RANBP2: variants seen among roughly 807,000 people sequenced by gnomAD.
RANBP2 encodes the protein E3 SUMO-protein ligase RanBP2.
A neutral mutation model predicts 303.6 loss-of-function variants in RANBP2; 57 were observed. The observed-to-expected ratio is 0.19, with a 90% CI of 0.15 to 0.23. RANBP2 has a LOEUF of 0.23. Among genes scored for constraint, RANBP2 ranks in the 10% least tolerant of loss-of-function variants. The probability of loss-of-function intolerance (pLI) is 1.00; values close to 1 mark genes in which losing one functional copy is unlikely to be tolerated. For synonymous variants in RANBP2, 1,167 were observed against 1,301.5 expected, an observed-to-expected ratio of 0.90 and a Z score of 2.23; for missense variants, 3,138 against 3,780.8, an observed-to-expected ratio of 0.83 and a Z score of 4.46.
the RANBP2 span, among the ~76,000 whole-genome samples, chr2:109,488,097 C>G: frequency 6.6e-6 from 1 of 152,198 alleles, no homozygotes; most frequent in African/African-American, 2.4e-5. Flanking sequence ...GCCAGCAGCC[C>G]CAGAGCCTGC....
the RANBP2 span, among the ~76,000 whole-genome samples, chr2:109,507,448 T>C: frequency 6.6e-6 from 1 of 152,226 alleles, no homozygotes; most frequent in Non-Finnish European, 1.5e-5. Context: ...CTGTGAGCTG[T>C]TGGAGCCCTG....
intron 25 of RANBP2, among the ~76,000 whole-genome samples, 179 bp downstream of exon 25, chr2:108,777,410 T>A (rs1407235632): frequency 2.7e-5 from 4 of 146,440 alleles, no homozygotes; most frequent in Non-Finnish European, 6.0e-5. Flanking sequence ...CAATATAATC[T>A]TAAGAATTTT....
At chr2:109,123,926 G>A in the RANBP2 span, among the ~76,000 whole-genome samples, 1 of 152,156 alleles carries the variant, frequency 6.6e-6, no homozygotes, top group African/African-American at 2.4e-5. Flanking sequence ...GGACATAACT[G>A]AAACCAAGGT....
intron 6 of RANBP2, among the ~76,000 whole-genome samples, chr2:108,737,828 C>A (rs1312314814): frequency 6.6e-6 from 1 of 150,880 alleles, no homozygotes; most frequent in East Asian, 2.0e-4. Flanking sequence ...ATTCTTCTGC[C>A]TCAGCCTCCT....
At chr2:109,249,519 TTTTC>T in the RANBP2 span, among the ~76,000 whole-genome samples, 1 of 61,900 alleles carries the variant, frequency 1.6e-5, no homozygotes, top group Non-Finnish European at 3.3e-5. Context: ...CATTCTTTCT[TTTTC>T]TTTCTTTCTT....
At chr2:109,636,600 G>A in the RANBP2 span, among the ~76,000 whole-genome samples, 3 of 152,096 alleles carry the variant, frequency 2.0e-5, no homozygotes, top group Non-Finnish European at 4.4e-5. Flanking sequence ...TGCTATGAAG[G>A]CCATTATTAA....
the RANBP2 span, among the ~76,000 whole-genome samples, chr2:109,382,280 C>CA: frequency 6.6e-6 from 1 of 152,150 alleles, no homozygotes; most frequent in Non-Finnish European, 1.5e-5. Flanking sequence ...GCTGAAGGGA[C>CA]ATCTGTTTTG....
chr2:109,093,624 T>C, the RANBP2 span, among the ~76,000 whole-genome samples: 1 of 38,610 alleles, frequency 2.6e-5, no homozygotes, highest in African/African-American at 5.9e-5. Context: ...TTTAAAAAGA[T>C]TTTTTTTTAA....
the RANBP2 span, chr2:108,804,751 G>A: frequency 1.6e-6 from 1 of 636,184 alleles, no homozygotes. Flanking sequence ...TGCCACACTA[G>A]TCACTTGTGC....
chr2:109,231,510 AATAAAT>A, the RANBP2 span, among the ~76,000 whole-genome samples: 1 of 152,172 alleles, frequency 6.6e-6, no homozygotes. Context: ...ATCTATGAAG[AATAAAT>A]ATCGTGCTCT....
chr2:109,202,095 C>T, the RANBP2 span, among the ~76,000 whole-genome samples: 1 of 152,226 alleles, frequency 6.6e-6, no homozygotes, highest in Non-Finnish European at 1.5e-5. Flanking sequence ...AGCCTCCCCT[C>T]GAGGCGATCT....
At chr2:109,399,649 A>T in the RANBP2 span, among the ~76,000 whole-genome samples, 3 of 152,218 alleles carry the variant, frequency 2.0e-5, no homozygotes, top group Admixed American at 6.5e-5. Context: ...AAATGATTAA[A>T]AAAATTTTTA....
At chr2:109,694,076 T>G in the RANBP2 span, among the ~76,000 whole-genome samples, 1 of 152,232 alleles carries the variant, frequency 6.6e-6, no homozygotes, top group Non-Finnish European at 1.5e-5. Flanking sequence ...GGTTTGGGTC[T>G]GTGTCCCCAC....
the RANBP2 span, among the ~76,000 whole-genome samples, chr2:109,673,198 C>T: frequency 6.6e-6 from 1 of 152,166 alleles, no homozygotes; most frequent in African/African-American, 2.4e-5. Context: ...GAGCCTAACT[C>T]TATGTGAACA....
At chr2:109,612,009 C>T in the RANBP2 span, among the ~76,000 whole-genome samples, 1 of 152,126 alleles carries the variant, frequency 6.6e-6, no homozygotes, top group Non-Finnish European at 1.5e-5. Flanking sequence ...AAGACTTATG[C>T]TTACATTATG....
At chr2:109,160,600 G>A in the RANBP2 span, among the ~76,000 whole-genome samples, 1 of 152,190 alleles carries the variant, frequency 6.6e-6, no homozygotes, top group African/African-American at 2.4e-5. Context: ...ACATTTGTGA[G>A]TCCTGTTTTC....
chr2:109,479,319 AG>A, the RANBP2 span, among the ~76,000 whole-genome samples: 2 of 152,086 alleles, frequency 1.3e-5, no homozygotes, highest in South Asian at 2.1e-4. Flanking sequence ...CTTTTTGTAG[AG>A]GGGGGCTAGT....
the RANBP2 span, among the ~76,000 whole-genome samples, chr2:109,675,477 T>C: frequency 4.6e-5 from 7 of 151,672 alleles, no homozygotes; most frequent in Non-Finnish European, 7.4e-5. Context: ...AGGTCAGGAG[T>C]TGGAGACCAG....
At chr2:109,629,759 C>T in the RANBP2 span, among the ~76,000 whole-genome samples, 2 of 151,532 alleles carry the variant, frequency 1.3e-5, no homozygotes, top group East Asian at 1.9e-4. Flanking sequence ...TGCAGTCAGC[C>T]GTGATCACAC....
Sources: gnomAD v4.1 joint callset for allele counts (sites outside exome capture counted in the v4.1 genomes callset) on GRCh38, gnomAD v4.1.1 for gene constraint, MANE v1.5 for transcripts, NCBI Gene and HGNC (gene_info 2026-07-23, HGNC 2026-07-21) for gene names.